FUBP3: variants seen among roughly 807,000 people sequenced by gnomAD.
The protein encoded by FUBP3 is far upstream element-binding protein 3.
A neutral mutation model predicts 85.6 loss-of-function variants in FUBP3; 28 were observed. The ratio of observed to expected loss-of-function variants is 0.33; its 90% CI spans 0.24 to 0.45. The LOEUF (loss-of-function observed/expected upper bound fraction) is 0.45, where lower values mean the gene tolerates loss of function less well. FUBP3 is among the 20% of genes least tolerant of loss of function. FUBP3 has a pLI of 1.00. For missense variants in FUBP3, 583 were observed against 755.1 expected (o/e 0.77, Z 2.67); for synonymous variants, 271 against 271.4 (o/e 1.00, Z 0.01).
At chr9:130,582,643 C>G (rs1307552238) in intron 1 of FUBP3, among the ~76,000 whole-genome samples, 2 of 152,202 alleles carry the variant, frequency 1.3e-5, no homozygotes, top group African/African-American at 4.8e-5. Flanking sequence ...TGTTCCACAG[C>G]CGTCCTCTGC....
At chr9:130,622,546 A>G (rs572027220) in intron 9 of FUBP3, among the ~76,000 whole-genome samples, 162 bp from the exon 10 acceptor site, 68 of 150,910 alleles carry the variant, frequency 4.5e-4, no homozygotes, top group African/African-American at 7.8e-4. Flanking sequence ...TGGGAGAATC[A>G]TTGGAACCCG....
At position 130,590,010 on chromosome 9, in the gene FUBP3, C is replaced by T. The variant is rs1469832413; in HGVS notation, c.85-5473C>T. Among the ~76,000 whole-genome samples, 12 of 143,640 alleles carry T rather than the reference C, an allele frequency of 8.4e-5. 1 individual carries two copies. Among genetic ancestry groups the T allele is most frequent in the South Asian group, 2.2e-4 (1 of 4,526 alleles). The allele number at this position is 143,640 out of a possible 152,430, so 94.2% of individuals were successfully genotyped here. On this transcript the variant is annotated intron_variant, in intron 1 of 18. Transcript: ENST00000319725. ...GATTACAGATATGAGCCACCACACC[C>T]GGCCTATTTAATTTTTTTTTTTTTT...
intron 7 of FUBP3, among the ~76,000 whole-genome samples, 174 bp from the exon 8 acceptor site, chr9:130,617,623 G>A (rs1350659654): frequency 6.6e-6 from 1 of 152,232 alleles, no homozygotes; most frequent in Non-Finnish European, 1.5e-5. Context: ...GGTCGTACCC[G>A]ACCTATATGT....
At chr9:130,623,792 A>T in intron 11 of FUBP3, 81 bp downstream of exon 11, 1 of 839,584 alleles carries the variant, frequency 1.2e-6, no homozygotes, top group Non-Finnish European at 1.9e-6. Flanking sequence ...GCAGCACCAT[A>T]GAGCTGTCAC....
chr9:130,632,057 C>CG (rs1564227512), intron 15 of FUBP3, 35 bp downstream of exon 15: 1 of 1,534,060 alleles, frequency 6.5e-7, no homozygotes, highest in Admixed American at 1.7e-5. Context: ...TGGGGACAGA[C>CG]GGCACTAAGG....
intron 2 of FUBP3, among the ~76,000 whole-genome samples, chr9:130,605,819 A>G (rs1347407113): frequency 6.6e-6 from 1 of 152,184 alleles, no homozygotes; most frequent in African/African-American, 2.4e-5. Context: ...CCCCATCTCT[A>G]CTAAAAGTAC....
intron 1 of FUBP3, among the ~76,000 whole-genome samples, chr9:130,584,912 C>T (rs1830279456): frequency 6.6e-6 from 1 of 151,930 alleles, no homozygotes; most frequent in African/African-American, 2.4e-5. Context: ...CCTGTAATCC[C>T]AGCACTTTGG....
chr9:130,607,397 G>A (rs1831514714), intron 2 of FUBP3, among the ~76,000 whole-genome samples: 1 of 149,238 alleles, frequency 6.7e-6, no homozygotes, highest in African/African-American at 2.5e-5. Flanking sequence ...AGTGCACAAG[G>A]GAAACGAGAA....
chr9:130,622,226 AG>A (rs1308695681), intron 9 of FUBP3, among the ~76,000 whole-genome samples: 1 of 148,110 alleles, frequency 6.8e-6, no homozygotes, highest in East Asian at 2.1e-4. Flanking sequence ...CAGGAGGCTG[AG>A]GCAGGGAGAA....
intron 17 of FUBP3, 26 bp downstream of exon 17, chr9:130,634,764 TG>T: frequency 6.3e-7 from 1 of 1,579,286 alleles, no homozygotes. Context: ...TCCTAACCTG[TG>T]GCAGCACAGT....
intron 12 of FUBP3, among the ~76,000 whole-genome samples, chr9:130,628,103 C>CAT: frequency 1.2e-5 from 1 of 81,210 alleles, no homozygotes; most frequent in South Asian, 3.7e-4. Flanking sequence ...CGCACGCACG[C>CAT]GCACACACAC....
intron 12 of FUBP3, among the ~76,000 whole-genome samples, chr9:130,628,724 G>T (rs1428330216): frequency 6.6e-6 from 1 of 152,080 alleles, no homozygotes; most frequent in Non-Finnish European, 1.5e-5. Context: ...CGAGTCTTAC[G>T]TGTGCCTGTG....
chr9:130,602,119 G>C (rs941303454), intron 2 of FUBP3, among the ~76,000 whole-genome samples: 1 of 152,028 alleles, frequency 6.6e-6, no homozygotes, highest in Admixed American at 6.6e-5. Flanking sequence ...TTTTTAAATT[G>C]TACACCATTC....
Position 130,631,944 on chromosome 9 carries a change from C to G in FUBP3, c.1355C>G (p.Thr452Ser), listed in dbSNP as rs1830228771. ...SQPPAPPHQN[T>S]FPPRSSGCFP... ...TTGTTTCTTTTACCTTTTCCCAGTA[C>G]CTTTCCTCCAAGGAGCTCCGGGTGC... Residue 452 changes from threonine (T) to serine (S), a missense_variant and splice_region_variant, in exon 15 of 19, where the codon ACC (threonine) becomes AGC (serine). Around this residue, in one of 3 missense-constraint regions of FUBP3, gnomAD observed 404 missense variants for 516.8 expected, o/e 0.78. Transcript: ENST00000319725. The G allele has an allele frequency of 3.7e-6, 6 of 1,609,374 alleles. No homozygotes were observed. Among genetic ancestry groups the G allele is most frequent in the Admixed American group, 1.7e-5 (1 of 59,996 alleles).
At chr9:130,626,561 C>T (rs1829984923) in intron 12 of FUBP3, 56 bp downstream of exon 12, 6 of 1,576,466 alleles carry the variant, frequency 3.8e-6, no homozygotes, top group Non-Finnish European at 4.3e-6. Flanking sequence ...TGAGGGAAGG[C>T]AGGTCACGGG....
rs181114666 is a variant in FUBP3 at position 130,618,264 on chromosome 9, G to A, written c.666+369G>A. Reference sequence around the variant, plus strand: ...CTCAGGACAGTTGGTTTTTTGTTTTGTTTCCCCCACGTCATCCTTCCAGGT... The same window carrying A: ...CTCAGGACAGTTGGTTTTTTGTTTTATTTCCCCCACGTCATCCTTCCAGGT... On this transcript the variant is annotated intron_variant, in intron 8 of 18. Coordinates refer to ENST00000319725, the MANE Select transcript of FUBP3 (RefSeq NM_003934.2). Among the ~76,000 whole-genome samples, 479 of 152,278 alleles carry A rather than the reference G, an allele frequency of 3.1e-3. 1 individual carries two copies. The highest frequency in any genetic ancestry group is 5.2e-3 in the Non-Finnish European group (351 of 67,998).
intron 1 of FUBP3, among the ~76,000 whole-genome samples, chr9:130,592,926 G>A (rs1186151832): frequency 6.6e-6 from 1 of 152,120 alleles, no homozygotes; most frequent in Non-Finnish European, 1.5e-5. Flanking sequence ...TTCCTATAAA[G>A]TCCAAGCTCC....
At chr9:130,632,494 C>T (rs1332114601) in intron 16 of FUBP3, among the ~76,000 whole-genome samples, 2 of 152,238 alleles carry the variant, frequency 1.3e-5, no homozygotes, top group East Asian at 3.9e-4. Context: ...ACTGCACAAA[C>T]CTCAGGCGGG....
chr9:130,614,851 G>A (rs555721636), intron 6 of FUBP3, among the ~76,000 whole-genome samples: 5 of 152,092 alleles, frequency 3.3e-5, no homozygotes, highest in Non-Finnish European at 7.4e-5. Context: ...GACTTTTGGC[G>A]CCCTTGCAAC....
Sources: allele counts gnomAD v4.1 joint callset (sites outside exome capture counted in the v4.1 genomes callset), GRCh38; gene constraint gnomAD v4.1.1; regional missense constraint gnomAD v4.1.1; transcripts MANE v1.5; gene names NCBI Gene and HGNC (gene_info 2026-07-23, HGNC 2026-07-21).